Variants in PRKCB observed in about 807,000 individuals in gnomAD.
The protein encoded by PRKCB is protein kinase C beta, also known as protein kinase C beta type.
Under a neutral mutation model 81.5 loss-of-function variants are expected in PRKCB, and 13 were observed. That is an observed-to-expected ratio of 0.16 (90% CI 0.10 to 0.25). The LOEUF (loss-of-function observed/expected upper bound fraction) is 0.25, where lower values mean the gene tolerates loss of function less well. Ranked by LOEUF, PRKCB falls within the 10% of genes least tolerant of loss-of-function variation. The pLI, the probability that PRKCB is intolerant of heterozygous loss-of-function variation, is 1.00. For missense variants in PRKCB, 509 were observed against 875.7 expected (o/e 0.58, Z 5.29); for synonymous variants, 335 against 321.4 (o/e 1.04, Z -0.45).
chr16:24,063,917 G>A (rs1256254359), intron 5 of PRKCB, among the ~76,000 whole-genome samples: 1 of 152,208 alleles, frequency 6.6e-6, no homozygotes, highest in African/African-American at 2.4e-5. Context: ...TGTCCATGCT[G>A]TGGTATAACT....
chr16:23,933,709 CCATT>C (rs1402437265), intron 2 of PRKCB, among the ~76,000 whole-genome samples: 1 of 145,066 alleles, frequency 6.9e-6, no homozygotes, highest in African/African-American at 2.6e-5. Flanking sequence ...ATCCATCCAT[CCATT>C]CATCCATCCA....
intron 2 of PRKCB, among the ~76,000 whole-genome samples, chr16:23,962,128 G>A (rs1281340544): frequency 6.6e-6 from 1 of 152,146 alleles, no homozygotes; most frequent in Non-Finnish European, 1.5e-5. Flanking sequence ...TGCCTGAGTA[G>A]GACTCTGAAA....
chr16:23,960,137 A>G (rs1181740766), intron 2 of PRKCB, among the ~76,000 whole-genome samples: 1 of 152,230 alleles, frequency 6.6e-6, no homozygotes, highest in Non-Finnish European at 1.5e-5. Flanking sequence ...GCCCATCCTC[A>G]ACCAATGACT....
intron 9 of PRKCB, among the ~76,000 whole-genome samples, chr16:24,153,568 G>A (rs73550934): frequency 0.024 from 3,618 of 152,292 alleles, 153 homozygotes; most frequent in African/African-American, 0.081. Context: ...GCTTCCTACA[G>A]GGCTTCTTGA....
chr16:23,859,210 C>T (rs1962622096), intron 2 of PRKCB, among the ~76,000 whole-genome samples: 1 of 152,174 alleles, frequency 6.6e-6, no homozygotes, highest in Admixed American at 6.5e-5. Context: ...GCAACAAACC[C>T]AGGTGGTCTG....
At chr16:23,838,896 A>G (rs1962215814) in intron 2 of PRKCB, among the ~76,000 whole-genome samples, 1 of 152,180 alleles carries the variant, frequency 6.6e-6, no homozygotes, top group African/African-American at 2.4e-5. Context: ...AAGTGGCAAC[A>G]ACTTAGGCCC....
At chr16:23,980,587 G>T (rs1337491749) in intron 2 of PRKCB, among the ~76,000 whole-genome samples, 1 of 152,136 alleles carries the variant, frequency 6.6e-6, no homozygotes, top group Non-Finnish European at 1.5e-5. Flanking sequence ...TTCAAACGAA[G>T]GTCCTCCTGC....
At chr16:24,154,551 C>T in intron 9 of PRKCB, 133 bp from the exon 10 acceptor site, 2 of 783,578 alleles carry the variant, frequency 2.6e-6, no homozygotes, top group Admixed American at 2.8e-5. Context: ...CAATAGAAAA[C>T]ATTACCTGTT....
intron 10 of PRKCB, among the ~76,000 whole-genome samples, chr16:24,165,794 A>G (rs1336562157): frequency 6.6e-6 from 1 of 151,974 alleles, no homozygotes. Context: ...GTTTTTTTTA[A>G]GTGAGTTAAT....
intron 15 of PRKCB, among the ~76,000 whole-genome samples, 184 bp from the exon 16 acceptor site, chr16:24,190,906 A>G (rs775971064): frequency 4.6e-5 from 7 of 152,168 alleles, no homozygotes; most frequent in African/African-American, 7.2e-5. Context: ...GGGTCCTATT[A>G]TCAGGTCCTC....
At chr16:23,980,455 A>G (rs986526547) in intron 2 of PRKCB, among the ~76,000 whole-genome samples, 1 of 152,226 alleles carries the variant, frequency 6.6e-6, no homozygotes, top group Non-Finnish European at 1.5e-5. Context: ...AACAGTTTGC[A>G]TGTGTTGTCT....
chr16:23,838,050 G>C (rs913902500), intron 2 of PRKCB, among the ~76,000 whole-genome samples: 3 of 152,186 alleles, frequency 2.0e-5, no homozygotes, highest in African/African-American at 7.2e-5. Context: ...CTAACCAGGG[G>C]TATCAAACCT....
chr16:24,127,301 C>T lies in PRKCB; in HGVS notation c.1065+3320C>T, dbSNP rs535285980. Among the ~76,000 whole-genome samples, 86 of 152,150 alleles carry T rather than the reference C, an allele frequency of 5.7e-4. No individual in the cohort carries two copies. The South Asian group carries it at 0.014, about 25-fold the overall frequency. On this transcript the variant is annotated intron_variant, in intron 9 of 16. Transcript: ENST00000643927. ...GATTACAGGTGTGAGCCACCACGCC[C>T]GGCCATGATATTCTTAATAAGCAAT...
At position 23,986,866 on chromosome 16, in the gene PRKCB, A is replaced by T. The variant is rs148128070; in HGVS notation, c.206-1642A>T. Among the ~76,000 whole-genome samples the T allele has an allele frequency of 2.7e-4, 41 of 152,238 alleles. 1 individual carries two copies. The East Asian group carries it at 7.9e-3, about 29-fold the overall frequency. On this transcript the variant is annotated intron_variant, in intron 2 of 16. Coordinates refer to ENST00000643927, the MANE Select transcript of PRKCB (RefSeq NM_002738.7). ...ATGATCAATTTCTTTTTCATCTGTAATCCTCCCCTTTCTCTCCCCACCTTG... is the reference window on the plus strand; with the variant it reads ...ATGATCAATTTCTTTTTCATCTGTATTCCTCCCCTTTCTCTCCCCACCTTG...
At chr16:23,906,116 G>A (rs1004940709) in intron 2 of PRKCB, among the ~76,000 whole-genome samples, 1 of 152,200 alleles carries the variant, frequency 6.6e-6, no homozygotes, top group African/African-American at 2.4e-5. Flanking sequence ...TTAAAATGTG[G>A]ATTGATGTTG....
intron 5 of PRKCB, among the ~76,000 whole-genome samples, chr16:24,064,782 G>A (rs762582256): frequency 5.3e-5 from 8 of 151,286 alleles, no homozygotes; most frequent in East Asian, 3.9e-4. Flanking sequence ...ATATCTCCTC[G>A]GTGAATTGAT....
At chr16:24,118,314 T>A (rs1363272389) in intron 8 of PRKCB, among the ~76,000 whole-genome samples, 1 of 152,258 alleles carries the variant, frequency 6.6e-6, no homozygotes, top group African/African-American at 2.4e-5. Context: ...GTGTCTCACA[T>A]GTCATACATA....
intron 2 of PRKCB, among the ~76,000 whole-genome samples, chr16:23,931,746 A>C (rs1597251271): frequency 6.6e-6 from 1 of 152,104 alleles, no homozygotes; most frequent in South Asian, 2.1e-4. Flanking sequence ...CTTGGAGTCC[A>C]GTGCAAAATA....
chr16:24,115,039 G>A (rs758371105), intron 8 of PRKCB, among the ~76,000 whole-genome samples: 2 of 152,164 alleles, frequency 1.3e-5, no homozygotes, highest in Non-Finnish European at 2.9e-5. Flanking sequence ...AACAGCATGT[G>A]CAAAGGCCCT....
Sources: allele counts gnomAD v4.1 joint callset (sites outside exome capture counted in the v4.1 genomes callset), GRCh38; gene constraint gnomAD v4.1.1; transcripts MANE v1.5; gene names NCBI Gene and HGNC (gene_info 2026-07-23, HGNC 2026-07-21).